PUDP: variants seen among roughly 807,000 people sequenced by gnomAD.
PUDP encodes the protein pseudouridine-5'-phosphatase.
PUDP carries 8 observed loss-of-function variants against 9.4 expected under a neutral mutation model. The observed-to-expected ratio is 0.85, with a 90% CI of 0.50 to 1.53. The LOEUF (loss-of-function observed/expected upper bound fraction) is 1.53. Ranked by LOEUF, PUDP falls within the 40% of genes most tolerant of loss-of-function variation. The probability of loss-of-function intolerance (pLI) is 0.00; values close to 1 mark genes in which losing one functional copy is unlikely to be tolerated. For missense variants in PUDP, 188 were observed against 189.7 expected, an observed-to-expected ratio of 0.99 and a Z score of 0.05; for synonymous variants, 99 against 80.7, an observed-to-expected ratio of 1.23 and a Z score of -1.22.
chrX:7,071,414 A>C lies in PUDP; in HGVS notation c.510+5806T>G, dbSNP rs1020220501. ...ACAGACATGGCCAATGTGTCCTTCT[A>C]AGAATTTCCAGTGAGCTCAAATGCC... is the stretch of plus-strand genomic sequence containing the variant. On this transcript the variant is annotated intron_variant, in intron 3 of 3. Transcript: ENST00000381077. Among the ~76,000 whole-genome samples, 5 of 111,414 alleles carry C rather than the reference A, an allele frequency of 4.5e-5. No homozygotes were observed. In the East Asian group the frequency reaches 1.4e-3, roughly 32 times the overall value.
chrX:6,878,754 A>AC (rs1569115754), intron 3 of PUDP, among the ~76,000 whole-genome samples: 5 of 112,071 alleles, frequency 4.5e-5, no homozygotes, highest in African/African-American at 1.3e-4. Flanking sequence ...TACATCCAGT[A>AC]ACAGATGGCA....
At chrX:7,017,672 T>G (rs1192230505) in intron 1 of PUDP, among the ~76,000 whole-genome samples, 1 of 112,185 alleles carries the variant, frequency 8.9e-6, no homozygotes, top group Non-Finnish European at 1.9e-5. Context: ...ACTTTACTCA[T>G]GCCCACCTGC....
At chrX:7,006,132 C>A (rs1929399207) in intron 1 of PUDP, among the ~76,000 whole-genome samples, 1 of 112,121 alleles carries the variant, frequency 8.9e-6, no homozygotes, top group South Asian at 3.7e-4. Flanking sequence ...ATAGTGCTGC[C>A]ATAAACGTTG....
At chrX:6,888,435 A>G (rs1489442720) in intron 3 of PUDP, among the ~76,000 whole-genome samples, 2 of 110,042 alleles carry the variant, frequency 1.8e-5, no homozygotes, top group Non-Finnish European at 3.8e-5. Flanking sequence ...TGAGGTCAGG[A>G]GTTCAAGACC....
intron 1 of PUDP, among the ~76,000 whole-genome samples, chrX:7,133,137 G>C (rs1932660588): frequency 8.9e-6 from 1 of 111,859 alleles, no homozygotes; most frequent in South Asian, 3.7e-4. Flanking sequence ...GTGGAATGCA[G>C]GAAAAGAGCA....
intron 2 of PUDP, among the ~76,000 whole-genome samples, chrX:7,094,500 G>T (rs1931515425): frequency 9.1e-6 from 1 of 110,163 alleles, no homozygotes; most frequent in Non-Finnish European, 1.9e-5. Context: ...GGGACTACAG[G>T]CGCCTGCCAC....
In PUDP at chrX:6,954,962, A is replaced by G. The variant is rs1271354295; in HGVS notation, c.*247+22171T>C. ...CCTCAGGAGGTCAAGCTGATGCTGC[A>G]TGGGTCAAAGACCCTGCCCCCCTAC... On this transcript the variant is annotated intron_variant and NMD_transcript_variant, in intron 3 of 3. Transcript: ENST00000655425. Among the ~76,000 whole-genome samples the G allele has an allele frequency of 3.9e-5, 3 of 76,703 alleles. 1 individual carries two copies. Among genetic ancestry groups the G allele is most frequent in the Non-Finnish European group, 7.8e-5 (3 of 38,640 alleles). The allele number at this position is 76,703 out of a possible 115,157, so 66.6% of individuals were successfully genotyped here. A position where few individuals can be genotyped will look rare whatever the true frequency, so the allele number is the denominator to read the frequency against.
rs762028806 is a variant in PUDP, at chrX:7,095,003, C to T, written c.280+10617G>A. Among the ~76,000 whole-genome samples the T allele has an allele frequency of 5.4e-5, 6 of 111,952 alleles. No individual in the cohort carries two copies. In the South Asian group the frequency reaches 1.9e-3, roughly 35 times the overall value. On this transcript the variant is annotated intron_variant, in intron 2 of 3. Coordinates refer to ENST00000381077, the MANE Select transcript of PUDP (RefSeq NM_012080.5). ...CCCAAATCGAGACCACCACCAGAAA[C>T]GGAGCTGGACGAGGCAGAGTCCCCG...
At chrX:6,736,924 G>T (rs1010398279) in intron 3 of PUDP, among the ~76,000 whole-genome samples, 1 of 111,744 alleles carries the variant, frequency 8.9e-6, no homozygotes, top group Admixed American at 9.5e-5. Flanking sequence ...CTTGCATGAT[G>T]AAATAATCTG....
In PUDP at chrX:6,715,435, A is replaced by G. The variant is rs752231439; in HGVS notation, n.128+5982T>C. On this transcript the variant is annotated intron_variant and non_coding_transcript_variant, in intron 1 of 2. Transcript: ENST00000438499. ...TTTTCTCCCTGAGAGAAAAAGATGC[A>G]TAGAAGAAATGCAACATTCAGTAGT... is the stretch of plus-strand genomic sequence containing the variant. Among the ~76,000 whole-genome samples, 5 of 112,217 alleles carry G rather than the reference A, an allele frequency of 4.5e-5. No individual in the cohort carries two copies. In the East Asian group the frequency reaches 1.4e-3, roughly 31 times the overall value.
intron 1 of PUDP, among the ~76,000 whole-genome samples, chrX:7,040,424 G>A (rs1307285689): frequency 9.0e-6 from 1 of 111,635 alleles, no homozygotes; most frequent in East Asian, 2.8e-4. Context: ...TGGAAAAGCT[G>A]CCCTGGGGAA....
At chrX:6,922,283 T>C (rs775516043) in intron 3 of PUDP, among the ~76,000 whole-genome samples, 1 of 112,201 alleles carries the variant, frequency 8.9e-6, no homozygotes, top group South Asian at 3.7e-4. Flanking sequence ...ACTCAGAGGA[T>C]AAATGCTTGA....
At chrX:7,141,921 C>T (rs1442783587) in intron 1 of PUDP, among the ~76,000 whole-genome samples, 1 of 112,286 alleles carries the variant, frequency 8.9e-6, no homozygotes, top group African/African-American at 3.2e-5. Flanking sequence ...CATCTGTTTA[C>T]AGCATGGTTT....
rs1198605796 is a variant in PUDP at position 7,091,857 on chromosome X, T to C, written c.280+13763A>G. 4.4e-5 allele frequency among the ~76,000 whole-genome samples: 5 copies of C among 112,518 alleles called. No individual in the cohort carries two copies. In the Admixed American group the frequency reaches 4.7e-4, roughly 11 times the overall value. ...ACAAAATAAATGTATAAAACAGCTATTTAAATAGCTTATGATTAATAGCCA... is the reference window on the plus strand; with the variant it reads ...ACAAAATAAATGTATAAAACAGCTACTTAAATAGCTTATGATTAATAGCCA... On this transcript the variant is annotated intron_variant, in intron 2 of 3. Coordinates refer to ENST00000381077, the MANE Select transcript of PUDP (RefSeq NM_012080.5).
At chrX:6,861,218 C>T (rs1014235425) in intron 3 of PUDP, among the ~76,000 whole-genome samples, 3 of 111,797 alleles carry the variant, frequency 2.7e-5, no homozygotes, top group Admixed American at 1.9e-4. Context: ...TTTTGATCTG[C>T]CCCCAGGAGG....
At chrX:6,873,470 C>G (rs1927206106) in intron 3 of PUDP, among the ~76,000 whole-genome samples, 1 of 111,759 alleles carries the variant, frequency 8.9e-6, no homozygotes, top group South Asian at 3.8e-4. Flanking sequence ...AGTAGTTCGC[C>G]CTGAAACCAC....
chrX:6,956,417 A>G (rs934420220), intron 3 of PUDP, among the ~76,000 whole-genome samples: 8 of 111,323 alleles, frequency 7.2e-5, no homozygotes, highest in Non-Finnish European at 1.5e-4. Flanking sequence ...AAAAAAAATC[A>G]AACTATCTTT....
rs1929585556 is a variant in PUDP, at chrX:7,018,645, G to A, written c.205-40302C>T. Among the ~76,000 whole-genome samples the A allele has an allele frequency of 6.2e-5, 7 of 112,500 alleles. No homozygotes were observed. In the Admixed American group the frequency reaches 6.6e-4, roughly 11 times the overall value. On this transcript the variant is annotated intron_variant and NMD_transcript_variant, in intron 1 of 3. Coordinates refer to the PUDP transcript ENST00000655425. ...GAGTGTGGTCTTCTCCTTTGAGATT[G>A]TATTTATTGATAAATGCAAAAATGC...
At chrX:7,058,960 G>A (rs190473781) in intron 3 of PUDP, among the ~76,000 whole-genome samples, 16 of 111,282 alleles carry the variant, frequency 1.4e-4, no homozygotes, top group Admixed American at 9.6e-4. Flanking sequence ...CTTGTGCACC[G>A]CAGAGCTACT....
Sources: allele counts gnomAD v4.1 joint callset (sites outside exome capture counted in the v4.1 genomes callset), GRCh38; gene constraint gnomAD v4.1.1; transcripts MANE v1.5; gene names NCBI Gene and HGNC (gene_info 2026-07-23, HGNC 2026-07-21).